TM4SF20: variants seen among roughly 807,000 people sequenced by gnomAD.
The protein encoded by TM4SF20 is transmembrane 4 L6 family member 20.
Under a neutral mutation model 15.1 loss-of-function variants are expected in TM4SF20, and 13 were observed. That is an observed-to-expected ratio of 0.86 (90% CI 0.56 to 1.36). TM4SF20 has a LOEUF of 1.36. Ranked by LOEUF, TM4SF20 falls within the 40% of genes most tolerant of loss-of-function variation. The probability of loss-of-function intolerance (pLI) is 0.00; values close to 1 mark genes in which losing one functional copy is unlikely to be tolerated. For missense variants in TM4SF20, 282 were observed against 268.4 expected, an observed-to-expected ratio of 1.05 and a Z score of -0.35; for synonymous variants, 92 against 96.6, an observed-to-expected ratio of 0.95 and a Z score of 0.28.
intron 1 of TM4SF20, among the ~76,000 whole-genome samples, chr2:227,373,760 C>A (rs1008265225): frequency 3.3e-5 from 5 of 151,874 alleles, no homozygotes; most frequent in African/African-American, 7.3e-5. Context: ...GAAACCCCAT[C>A]TCTACTAAAA....
chr2:227,366,644 G>C (rs1420817330), intron 2 of TM4SF20, among the ~76,000 whole-genome samples: 2 of 136,770 alleles, frequency 1.5e-5, no homozygotes, highest in East Asian at 4.6e-4. Flanking sequence ...CAGGAGAATC[G>C]CTTGAACCCG....
chr2:227,371,815 A>G (rs2076422574), intron 1 of TM4SF20, among the ~76,000 whole-genome samples: 1 of 152,158 alleles, frequency 6.6e-6, no homozygotes, highest in South Asian at 2.1e-4. Context: ...TTTTGGTTCC[A>G]CGTTCTCCTT....
At chr2:227,376,398 TTCTC>T (rs1418928573) in intron 1 of TM4SF20, among the ~76,000 whole-genome samples, 1 of 152,250 alleles carries the variant, frequency 6.6e-6, no homozygotes, top group Non-Finnish European at 1.5e-5. Context: ...TTCTTCCACA[TTCTC>T]TATCTATCTG....
chr2:227,372,504 C>T (rs1386699564), intron 1 of TM4SF20, among the ~76,000 whole-genome samples: 1 of 151,918 alleles, frequency 6.6e-6, no homozygotes, highest in Admixed American at 6.6e-5. Flanking sequence ...ATTAGCTGGG[C>T]GAGGTGGTGC....
chr2:227,376,248 T>G (rs887935317), intron 1 of TM4SF20, among the ~76,000 whole-genome samples: 1 of 152,252 alleles, frequency 6.6e-6, no homozygotes, highest in African/African-American at 2.4e-5. Context: ...ATGACCAAAG[T>G]GCTTATCACA....
intron 3 of TM4SF20, among the ~76,000 whole-genome samples, chr2:227,365,789 AT>A (rs1401707942): frequency 6.6e-6 from 1 of 152,094 alleles, no homozygotes; most frequent in African/African-American, 2.4e-5. Context: ...TATTTGCATA[AT>A]TTTTTAATAT....
chr2:227,372,000 G>A lies in TM4SF20; in HGVS notation c.184-1020C>T, dbSNP rs571045865. On this transcript the variant is annotated intron_variant, in intron 1 of 3. Coordinates refer to ENST00000304568, the MANE Select transcript of TM4SF20 (RefSeq NM_024795.4). ...TTTAGTATATCTAGGCAGCAGCTAC[G>A]ACTAGAAATTCTTACTGGAAGGAGT... Among the ~76,000 whole-genome samples, 3 of 152,296 alleles carry A rather than the reference G, an allele frequency of 2.0e-5. No individual in the cohort carries two copies. The East Asian group carries it at 5.8e-4, about 29-fold the overall frequency.
At chr2:227,364,383 A>ACCCCCCCC (rs1315331304) in intron 3 of TM4SF20, among the ~76,000 whole-genome samples, 5 of 143,444 alleles carry the variant, frequency 3.5e-5, no homozygotes, top group African/African-American at 1.4e-4. Context: ...AGCCTCCCCT[A>ACCCCCCCC]CCCCCCGCCA....
intron 1 of TM4SF20, among the ~76,000 whole-genome samples, chr2:227,376,662 GT>G (rs2076452082): frequency 6.6e-6 from 1 of 152,206 alleles, no homozygotes; most frequent in Non-Finnish European, 1.5e-5. Context: ...TGTTCCACGA[GT>G]TTCTATAATC....
chr2:227,369,696 T>G (rs2076411320), intron 2 of TM4SF20, among the ~76,000 whole-genome samples: 1 of 152,152 alleles, frequency 6.6e-6, no homozygotes, highest in South Asian at 2.1e-4. Context: ...CCCAAAGTGC[T>G]GTGAGCCACC....
chr2:227,364,854 T>C (rs1278814636), intron 3 of TM4SF20, among the ~76,000 whole-genome samples: 1 of 152,226 alleles, frequency 6.6e-6, no homozygotes, highest in Admixed American at 6.5e-5. Flanking sequence ...TTAATGTGCA[T>C]AGCATCTGTG....
At position 227,366,263 on chromosome 2, in the gene TM4SF20, C is replaced by T; in HGVS notation, c.250-19G>A. ...GAAACATCTGAAAAATAAAATAGAG[C>T]CATTTGCACATGTTATGACATGTTC... On this transcript the variant is annotated intron_variant, in intron 2 of 3. Coordinates refer to ENST00000304568, the MANE Select transcript of TM4SF20 (RefSeq NM_024795.4). The T allele has an allele frequency of 6.2e-7, 1 of 1,605,966 alleles. No homozygotes were observed. The highest frequency in any genetic ancestry group is 1.7e-4 in the Middle Eastern group (1 of 6,022).
rs373209078 is a variant in TM4SF20, at chr2:227,363,900, C to T, written c.514G>A (p.Ala172Thr). ...TCAGAATCGAAGTGGAAACTAGATG[C>T]TCTCCAGCCACTCGCCATGGTGTCG... Reference protein sequence around the residue: ...SNDTMASGWRASSFHFDSEEN... With the variant: ...SNDTMASGWRTSSFHFDSEEN... Residue 172 changes from alanine to threonine, a missense_variant, in exon 4 of 4, where the codon GCA becomes ACA. Physicochemically the swap from Ala to Thr is moderately conservative, Grantham distance 58. Transcript: ENST00000304568. 2.5e-6 allele frequency: 4 copies of T among 1,614,020 alleles called. No homozygotes were observed. The highest frequency in any genetic ancestry group is 2.2e-5 in the East Asian group (1 of 44,890).
At chr2:227,375,750 A>C (rs770995881) in intron 1 of TM4SF20, among the ~76,000 whole-genome samples, 57 of 152,134 alleles carry the variant, frequency 3.7e-4, no homozygotes, top group South Asian at 1.0e-3. Flanking sequence ...CGGCCTCCCA[A>C]AGTGCTGGGA....
intron 2 of TM4SF20, among the ~76,000 whole-genome samples, chr2:227,366,627 G>T (rs1044323448): frequency 6.8e-6 from 1 of 146,208 alleles, no homozygotes; most frequent in African/African-American, 2.5e-5. Context: ...TACTTGGGAG[G>T]CTAAGGCAGG....
At chr2:227,371,011 A>G (rs1050403626) in intron 1 of TM4SF20, 31 bp from the exon 2 acceptor site, 2 of 1,580,448 alleles carry the variant, frequency 1.3e-6, no homozygotes, top group African/African-American at 2.7e-5. Flanking sequence ...AAAGATGAGT[A>G]TTATAACTTC....
intron 2 of TM4SF20, among the ~76,000 whole-genome samples, chr2:227,367,286 C>T (rs1241240385): frequency 6.6e-6 from 1 of 152,140 alleles, no homozygotes; most frequent in Non-Finnish European, 1.5e-5. Flanking sequence ...AAAGATTGTA[C>T]ACATCTTTAT....
intron 1 of TM4SF20, among the ~76,000 whole-genome samples, chr2:227,374,933 A>G (rs2076439999): frequency 6.6e-6 from 1 of 151,182 alleles, no homozygotes; most frequent in African/African-American, 2.4e-5. Flanking sequence ...TACAAAAAAA[A>G]AAAAAAAATT....
intron 3 of TM4SF20, among the ~76,000 whole-genome samples, chr2:227,365,073 G>A (rs76442293): frequency 0.023 from 3,544 of 152,266 alleles, 135 homozygotes; most frequent in African/African-American, 0.08. Flanking sequence ...ACCACGCCTG[G>A]CTCATTTTTG....
Sources: gnomAD v4.1 joint callset for allele counts (sites outside exome capture counted in the v4.1 genomes callset) on GRCh38, gnomAD v4.1.1 for gene constraint, MANE v1.5 for transcripts, NCBI Gene and HGNC (gene_info 2026-07-23, HGNC 2026-07-21) for gene names.